The following GAL3ST1 variants were observed in gnomAD, a reference collection of about 807,000 sequenced individuals.
GAL3ST1 encodes galactosylceramide sulfotransferase.
In GAL3ST1, 13 loss-of-function variants were observed where a neutral mutation model predicts 25.0. The observed-to-expected ratio is 0.52, with a 90% CI of 0.34 to 0.83. The LOEUF is 0.83. GAL3ST1 is among the 40% of genes least tolerant of loss of function. GAL3ST1 has a pLI of 0.02. For missense variants in GAL3ST1, 474 were observed against 613.6 expected (o/e 0.77, Z 2.40); for synonymous variants, 274 against 277.8 (o/e 0.99, Z 0.14).
chr22:30,555,876 A>T lies in GAL3ST1; in HGVS notation c.349T>A (p.Tyr117Asn), dbSNP rs780667989. ...AGGCTGCGGGCGAAGAAGGTCGGGT[A>T]GTCGAAGTCATTGCGGCCGTTAGGG... ...AFPNGRNDFD[Y>N]PTFFARSLVQ... Residue 117 changes from tyrosine to asparagine, a missense_variant, in exon 4 of 4, where the codon TAC becomes AAC. Coordinates refer to ENST00000406361, the MANE Select transcript of GAL3ST1 (RefSeq NM_001318104.2). This position sits in a 1 kb window ranked among gnomAD's most constrained non-coding sequence, Gnocchi z 8.6. The T allele has an allele frequency of 1.2e-6, 2 of 1,613,638 alleles. No individual in the cohort carries two copies. The highest frequency in any genetic ancestry group is 2.7e-5 in the African/African-American group (2 of 75,056).
chr22:30,572,189 G>A (rs1174926932), intron 1 of GAL3ST1, among the ~76,000 whole-genome samples: 1 of 152,216 alleles, frequency 6.6e-6, no homozygotes, highest in Non-Finnish European at 1.5e-5. Flanking sequence ...GTATGTAGGA[G>A]TTGATAATAT....
At chr22:30,566,073 C>T (rs1200666231) in intron 1 of GAL3ST1, 1 of 152,388 alleles carries the variant, frequency 6.6e-6, no homozygotes, top group African/African-American at 2.4e-5. Context: ...CCCTCAAAGC[C>T]TCACCAGTCT....
At chr22:30,573,300 G>T (rs1333896724) in intron 1 of GAL3ST1, among the ~76,000 whole-genome samples, 1 of 152,158 alleles carries the variant, frequency 6.6e-6, no homozygotes, top group East Asian at 1.9e-4. Context: ...CTGAAATGGG[G>T]GCCAGGGCAA....
chr22:30,572,474 T>C (rs1184768358), intron 1 of GAL3ST1, among the ~76,000 whole-genome samples: 4 of 152,144 alleles, frequency 2.6e-5, no homozygotes, highest in Non-Finnish European at 4.4e-5. Context: ...TATGATGCTT[T>C]CACAGGCCTG....
chr22:30,571,862 T>TCAAAAACAAAAA (rs573089561), intron 1 of GAL3ST1, among the ~76,000 whole-genome samples: 1 of 152,088 alleles, frequency 6.6e-6, no homozygotes, highest in Non-Finnish European at 1.5e-5. Flanking sequence ...AGACTCCGTC[T>TCAAAAACAAAAA]CAAAAACAAA....
chr22:30,566,179 G>C (rs1173353300), intron 1 of GAL3ST1: 3 of 152,244 alleles, frequency 2.0e-5, no homozygotes, highest in Non-Finnish European at 4.4e-5. Flanking sequence ...ACCAGGTTTG[G>C]GACATGGTAT....
intron 1 of GAL3ST1, among the ~76,000 whole-genome samples, chr22:30,573,649 G>A (rs1312506622): frequency 3.9e-5 from 6 of 152,220 alleles, no homozygotes; most frequent in Admixed American, 6.5e-5. Flanking sequence ...GCGGCAGCCC[G>A]GGGATCAGGT....
At chr22:30,560,963 G>A (rs2086375912) in intron 1 of GAL3ST1, among the ~76,000 whole-genome samples, 1 of 151,488 alleles carries the variant, frequency 6.6e-6, no homozygotes, top group Non-Finnish European at 1.5e-5. Flanking sequence ...GTTTGTTTTT[G>A]AGACGGTGTC....
intron 1 of GAL3ST1, chr22:30,572,879 G>C (rs952378040): frequency 6.6e-5 from 10 of 152,304 alleles, no homozygotes; most frequent in African/African-American, 2.4e-4. Context: ...CATTCTCTCA[G>C]GTTAATCATT....
In GAL3ST1 at chr22:30,558,975, T is replaced by C. The variant is rs1042739756; in HGVS notation, c.-119-587A>G. The stretch of plus-strand genomic sequence containing the variant: ...GAGTTTGAGACAAGCCTGACCAATA[T>C]GGTGAAATTCTGTCTCTACTGAAAA... On this transcript the variant is annotated intron_variant, in intron 1 of 3. Coordinates refer to ENST00000406361, the MANE Select transcript of GAL3ST1 (RefSeq NM_001318104.2). Among the ~76,000 whole-genome samples, 4 of 152,072 alleles carry C rather than the reference T, an allele frequency of 2.6e-5. No individual in the cohort carries two copies. The South Asian group carries it at 6.2e-4, about 24-fold the overall frequency.
intron 1 of GAL3ST1, among the ~76,000 whole-genome samples, chr22:30,566,818 C>T (rs2086639323): frequency 6.6e-6 from 1 of 152,116 alleles, no homozygotes; most frequent in Non-Finnish European, 1.5e-5. Context: ...ACCGTGTTAG[C>T]CAGGATGGTC....
rs368192206 is a variant in GAL3ST1 at position 30,555,225 on chromosome 22, G to C, written c.1000C>G (p.Leu334Val). 6.3e-7 allele frequency: 1 copy of C among 1,598,950 alleles called. No individual in the cohort carries two copies. The highest frequency in any genetic ancestry group is 1.3e-5 in the African/African-American group (1 of 74,734). ...RERMAREVAA[L>V]RHANERMRTI... ...CGCATGCGCTCGTTGGCATGGCGCAGGGCGGCCACCTCGCGGGCCATGCGC... is the reference window on the plus strand; with the variant it reads ...CGCATGCGCTCGTTGGCATGGCGCACGGCGGCCACCTCGCGGGCCATGCGC... Residue 334 changes from leucine to valine, a missense_variant, in exon 4 of 4, where the codon CTG becomes GTG. Transcript: ENST00000406361. The surrounding 1 kb of genome is among the most constrained non-coding windows in gnomAD (Gnocchi z 8.6).
At chr22:30,562,590 T>C (rs1039195240) in intron 1 of GAL3ST1, among the ~76,000 whole-genome samples, 3 of 152,184 alleles carry the variant, frequency 2.0e-5, no homozygotes, top group Non-Finnish European at 4.4e-5. Flanking sequence ...GTCCCTTCCA[T>C]GCCCCGCTGC....
chr22:30,564,830 G>A (rs1245710839), intron 1 of GAL3ST1: 1 of 152,284 alleles, frequency 6.6e-6, no homozygotes, highest in Admixed American at 6.5e-5. Context: ...CTCACCTCGG[G>A]CTGTGGCTGG....
rs892414838 is a variant in GAL3ST1 at position 30,558,297 on chromosome 22, G to A, written c.-28C>T. On this transcript the variant is annotated 5_prime_UTR_variant, in exon 2 of 4. It introduces an in-frame stop codon into an upstream open reading frame of the 5' UTR. Transcript: ENST00000406361. ...CACATGCCTGTAGTCCTAGTTACTT[G>A]GAAGGCTGAGGCGGGAGGATTGCTT... 1 of 152,158 alleles carries A rather than the reference G, an allele frequency of 6.6e-6. No homozygotes were observed. The highest frequency in any genetic ancestry group is 2.4e-5 in the African/African-American group (1 of 41,430). 9.4% of individuals were successfully genotyped at this position (152,158 alleles called of 1,614,324 possible).
chr22:30,573,490 T>C (rs751745373), intron 1 of GAL3ST1, among the ~76,000 whole-genome samples: 1 of 152,200 alleles, frequency 6.6e-6, no homozygotes, highest in Non-Finnish European at 1.5e-5. Flanking sequence ...ACTGCCCTCC[T>C]GTGCCCCCTG....
At chr22:30,557,234 C>G (rs999348961) in intron 3 of GAL3ST1, 28 bp downstream of exon 3, 5 of 1,612,736 alleles carry the variant, frequency 3.1e-6, no homozygotes, top group Admixed American at 1.7e-5. Context: ...CCACCTACAC[C>G]CATCATCTGC....
At chr22:30,573,238 A>C (rs2086829732) in intron 1 of GAL3ST1, among the ~76,000 whole-genome samples, 1 of 152,142 alleles carries the variant, frequency 6.6e-6, no homozygotes, top group Non-Finnish European at 1.5e-5. Context: ...GGCAGATCCA[A>C]GAAGGCAGGA....
chr22:30,557,990 G>A (rs535120839), intron 2 of GAL3ST1, among the ~76,000 whole-genome samples: 11 of 151,586 alleles, frequency 7.3e-5, no homozygotes, highest in Middle Eastern at 3.4e-3. Context: ...GTTTTGCCAC[G>A]TTGCCTAGGC....
Sources: allele counts gnomAD v4.1 joint callset (sites outside exome capture counted in the v4.1 genomes callset), GRCh38; gene constraint gnomAD v4.1.1; non-coding constraint Gnocchi (gnomAD v3.1); transcripts MANE v1.5; gene names NCBI Gene and HGNC (gene_info 2026-07-23, HGNC 2026-07-21).